Variants in GPC6 observed in about 807,000 individuals in gnomAD.
GPC6 encodes glypican 6.
GPC6 carries 14 observed loss-of-function variants against 55.2 expected under a neutral mutation model. The ratio of observed to expected loss-of-function variants is 0.25; its 90% CI spans 0.17 to 0.40. GPC6 has a LOEUF of 0.40. GPC6 is among the 10% of genes least tolerant of loss of function. The pLI is 1.00. For missense variants in GPC6, 641 were observed against 708.5 expected, an observed-to-expected ratio of 0.90 and a Z score of 1.08; for synonymous variants, 278 against 259.6, an observed-to-expected ratio of 1.07 and a Z score of -0.68.
chr13:93,596,923 C>T (rs574015163), intron 2 of GPC6, among the ~76,000 whole-genome samples: 81 of 146,590 alleles, frequency 5.5e-4, no homozygotes, highest in African/African-American at 1.9e-3. Flanking sequence ...GGCTGGAGAC[C>T]CAGGAAAGCT....
At chr13:93,773,465 T>C (rs1270866552) in intron 2 of GPC6, among the ~76,000 whole-genome samples, 2 of 152,110 alleles carry the variant, frequency 1.3e-5, no homozygotes, top group Non-Finnish European at 2.9e-5. Flanking sequence ...GATTTTTTTT[T>C]TGATGTAGCT....
At chr13:93,962,918 T>C (rs930953192) in intron 3 of GPC6, among the ~76,000 whole-genome samples, 1 of 152,128 alleles carries the variant, frequency 6.6e-6, no homozygotes, top group Non-Finnish European at 1.5e-5. Context: ...TCTCAAATAT[T>C]GTGTGACAGT....
intron 1 of GPC6, among the ~76,000 whole-genome samples, chr13:93,492,734 G>A (rs1880073366): frequency 6.6e-6 from 1 of 151,202 alleles, no homozygotes; most frequent in African/African-American, 2.4e-5. Context: ...AGCATGAAGG[G>A]TTGTTGAATT....
intron 6 of GPC6, among the ~76,000 whole-genome samples, chr13:94,335,896 T>G (rs1411212938): frequency 1.1e-5 from 1 of 91,154 alleles, no homozygotes; most frequent in Non-Finnish European, 2.1e-5. Flanking sequence ...TTCACTGTTG[T>G]TGTGATTTTT....
At chr13:94,362,200 G>T (rs1879085231) in intron 6 of GPC6, among the ~76,000 whole-genome samples, 2 of 152,158 alleles carry the variant, frequency 1.3e-5, no homozygotes, top group African/African-American at 4.8e-5. Flanking sequence ...GTTTAACTTA[G>T]AGTAAAAGGA....
At chr13:93,640,801 T>G in intron 2 of GPC6, among the ~76,000 whole-genome samples, 1 of 84,452 alleles carries the variant, frequency 1.2e-5, no homozygotes, top group African/African-American at 3.7e-5. Flanking sequence ...TCCTCCTTCC[T>G]TCCTTCCTTC....
At chr13:94,065,009 A>C (rs1410757385) in intron 4 of GPC6, among the ~76,000 whole-genome samples, 1 of 152,118 alleles carries the variant, frequency 6.6e-6, no homozygotes, top group Non-Finnish European at 1.5e-5. Context: ...AGGATCAGGG[A>C]ATTTTAGCAT....
intron 2 of GPC6, among the ~76,000 whole-genome samples, chr13:93,678,938 TGTCTTTA>T (rs1393396613): frequency 1.3e-5 from 2 of 152,182 alleles, no homozygotes; most frequent in Non-Finnish European, 2.9e-5. Flanking sequence ...ATCTCTACAC[TGTCTTTA>T]ACTCTTGCTT....
chr13:93,595,216 G>T (rs1420412995), intron 2 of GPC6, among the ~76,000 whole-genome samples: 1 of 152,034 alleles, frequency 6.6e-6, no homozygotes, highest in Non-Finnish European at 1.5e-5. Context: ...ATTTCATTAA[G>T]TTGGATAAGC....
chr13:94,185,193 T>G (rs1242272511), intron 4 of GPC6, among the ~76,000 whole-genome samples: 1 of 150,594 alleles, frequency 6.6e-6, no homozygotes, highest in Non-Finnish European at 1.5e-5. Flanking sequence ...TTGGATACTA[T>G]GCTTACTACC....
chr13:93,839,948 C>G (rs1171965200), intron 3 of GPC6, among the ~76,000 whole-genome samples: 1 of 152,018 alleles, frequency 6.6e-6, no homozygotes, highest in African/African-American at 2.4e-5. Flanking sequence ...TGTGTCCTTT[C>G]CTGGTTTTGG....
At chr13:94,280,907 A>G (rs1892360437) in intron 4 of GPC6, among the ~76,000 whole-genome samples, 1 of 152,230 alleles carries the variant, frequency 6.6e-6, no homozygotes. Context: ...TAATGAGAAC[A>G]TTGAAATGAC....
At chr13:93,811,593 T>TC (rs970916202) in intron 2 of GPC6, among the ~76,000 whole-genome samples, 1 of 151,930 alleles carries the variant, frequency 6.6e-6, no homozygotes. Context: ...GATCGGATTT[T>TC]TTTTTTTCCC....
At chr13:93,315,998 CAAT>C (rs1446675043) in intron 1 of GPC6, among the ~76,000 whole-genome samples, 2 of 152,026 alleles carry the variant, frequency 1.3e-5, no homozygotes, top group Admixed American at 6.6e-5. Context: ...AAAGCAGTCT[CAAT>C]GATTTTTTCA....
In GPC6 at chr13:93,402,320, A is replaced by G. The variant is rs561389582; in HGVS notation, c.161-142943A>G. Reference sequence around the variant, plus strand: ...AGCCAACTTCATAAGCGCTAGGGCAATGCAGGAGAGAGAGCACTCAAACAA... The same window carrying G: ...AGCCAACTTCATAAGCGCTAGGGCAGTGCAGGAGAGAGAGCACTCAAACAA... On this transcript the variant is annotated intron_variant, in intron 1 of 8. Transcript: ENST00000377047. 4.6e-5 allele frequency among the ~76,000 whole-genome samples: 7 copies of G among 152,274 alleles called. No individual in the cohort carries two copies. In the South Asian group the frequency reaches 6.2e-4, roughly 14 times the overall value.
intron 3 of GPC6, among the ~76,000 whole-genome samples, chr13:93,907,280 A>G (rs1876723657): frequency 6.6e-6 from 1 of 152,140 alleles, no homozygotes; most frequent in Admixed American, 6.5e-5. Flanking sequence ...TATTATTCTA[A>G]TAATCCACTG....
In GPC6 at chr13:93,743,956, C is replaced by T. The variant is rs1289801301; in HGVS notation, c.320-86198C>T. 3.3e-5 allele frequency among the ~76,000 whole-genome samples: 5 copies of T among 152,086 alleles called. No homozygotes were observed. In the South Asian group the frequency reaches 8.3e-4, roughly 25 times the overall value. ...TTAATTTGTAATTTTACTGACTTTA[C>T]GTTAGTGAAATTAATGTATAAAATA... On this transcript the variant is annotated intron_variant, in intron 2 of 8. Transcript: ENST00000377047.
At chr13:93,254,069 A>G (rs763128455) in intron 1 of GPC6, among the ~76,000 whole-genome samples, 4 of 152,178 alleles carry the variant, frequency 2.6e-5, no homozygotes, top group Non-Finnish European at 5.9e-5. Flanking sequence ...CACGCCTATA[A>G]TTCAAGCATT....
chr13:93,219,621 A>T, the GPC6 span, among the ~76,000 whole-genome samples: 3 of 152,336 alleles, frequency 2.0e-5, no homozygotes, highest in African/African-American at 7.2e-5. Context: ...GGTAATTTAC[A>T]ATAATATTGA....
Sources: allele counts gnomAD v4.1 joint callset (sites outside exome capture counted in the v4.1 genomes callset), GRCh38; gene constraint gnomAD v4.1.1; transcripts MANE v1.5; gene names NCBI Gene and HGNC (gene_info 2026-07-23, HGNC 2026-07-21).